The following TBCD variants were observed in gnomAD, a reference collection of about 807,000 sequenced individuals.
The protein encoded by TBCD is tubulin-specific chaperone D.
TBCD carries 105 observed loss-of-function variants against 169.3 expected under a neutral mutation model. The observed-to-expected ratio is 0.62, with a 90% CI of 0.53 to 0.73. The LOEUF (loss-of-function observed/expected upper bound fraction) is 0.73, where lower values mean the gene tolerates loss of function less well. TBCD is among the 30% of genes least tolerant of loss of function. The probability of loss-of-function intolerance (pLI) is 0.00; values close to 1 mark genes in which losing one functional copy is unlikely to be tolerated. For synonymous variants in TBCD, 700 were observed against 643.9 expected, an observed-to-expected ratio of 1.09 and a Z score of -1.32; for missense variants, 1,444 against 1,600.1, an observed-to-expected ratio of 0.90 and a Z score of 1.66.
At chr17:82,803,988 G>A (rs2050763667) in intron 9 of TBCD, among the ~76,000 whole-genome samples, 1 of 143,492 alleles carries the variant, frequency 7.0e-6, no homozygotes, top group Admixed American at 6.9e-5. Context: ...TGCCTGTGGG[G>A]CGTTAGGGGA....
chr17:82,912,167 G>A (rs755795466), intron 23 of TBCD, among the ~76,000 whole-genome samples: 4 of 151,550 alleles, frequency 2.6e-5, no homozygotes, highest in Admixed American at 6.6e-5. Context: ...AGCCCTGGTC[G>A]TGCCCTGTGG....
At chr17:82,819,844 CTGT>C (rs1223606910) in intron 13 of TBCD, among the ~76,000 whole-genome samples, 20 of 152,276 alleles carry the variant, frequency 1.3e-4, no homozygotes, top group Admixed American at 8.5e-4. Flanking sequence ...TTGAACACCT[CTGT>C]TGTTGTGGCA....
chr17:82,923,622 T>C lies in TBCD; in HGVS notation c.2179-30T>C, dbSNP rs545816579. 15 of 1,542,928 alleles carry C rather than the reference T, an allele frequency of 9.7e-6. No homozygotes were observed. In the African/African-American group the frequency reaches 1.6e-4, roughly 17 times the overall value. ...CGGGGGCTTCTCCGAGCAGAGCTGC[T>C]GTGCGCTCACCGTGCTGCCTTTGTT... On this transcript the variant is annotated intron_variant, in intron 25 of 38. Coordinates refer to ENST00000355528, the MANE Select transcript of TBCD (RefSeq NM_005993.5). This position sits in a 1 kb window ranked among gnomAD's most constrained non-coding sequence, Gnocchi z 4.6.
At chr17:82,813,307 C>A (rs2051598021) in intron 12 of TBCD, among the ~76,000 whole-genome samples, 1 of 152,186 alleles carries the variant, frequency 6.6e-6, no homozygotes, top group African/African-American at 2.4e-5. Context: ...CGCTCATCCG[C>A]CCACTCATAG....
At chr17:82,935,699 CTTGAG>C (rs1266720534) in intron 34 of TBCD, among the ~76,000 whole-genome samples, 4 of 152,332 alleles carry the variant, frequency 2.6e-5, no homozygotes, top group Middle Eastern at 6.8e-3. Flanking sequence ...GTGCTTCCGT[CTTGAG>C]TTATGTGCTG....
rs1236311418 is a variant in TBCD at position 82,880,285 on chromosome 17, G to A, written c.1476-3860G>A. 6.6e-6 allele frequency among the ~76,000 whole-genome samples: 1 copy of A among 152,174 alleles called. No individual in the cohort carries two copies. Among genetic ancestry groups the A allele is most frequent in the Non-Finnish European group, 1.5e-5 (1 of 68,036 alleles). On this transcript the variant is annotated intron_variant, in intron 14 of 38. Coordinates refer to ENST00000355528, the MANE Select transcript of TBCD (RefSeq NM_005993.5). This position sits in a 1 kb window ranked among gnomAD's most constrained non-coding sequence, Gnocchi z 5.0. ...TGCCTCTGCCTCCCACAGACAGATG[G>A]AGCACAGGTGTAGCCAGGGCCGCTG...
intron 13 of TBCD, among the ~76,000 whole-genome samples, chr17:82,845,104 C>T (rs2054896551): frequency 6.6e-6 from 1 of 152,170 alleles, no homozygotes; most frequent in South Asian, 2.1e-4. Context: ...CAGGCAGGTG[C>T]TGGCGCCGCG....
intron 4 of TBCD, among the ~76,000 whole-genome samples, chr17:82,767,031 C>T (rs937637521): frequency 2.0e-5 from 3 of 152,208 alleles, no homozygotes; most frequent in African/African-American, 2.4e-5. Flanking sequence ...CAGGTGCCAG[C>T]GTAAAGCACA....
intron 13 of TBCD, among the ~76,000 whole-genome samples, chr17:82,827,990 A>G (rs1195640243): frequency 1.4e-5 from 2 of 145,118 alleles, no homozygotes; most frequent in African/African-American, 2.6e-5. Flanking sequence ...TGCACACCCA[A>G]TCGAACGCAC....
At chr17:82,790,010 A>T (rs2049589406) in intron 7 of TBCD, among the ~76,000 whole-genome samples, 1 of 147,344 alleles carries the variant, frequency 6.8e-6, no homozygotes, top group Non-Finnish European at 1.5e-5. Context: ...CGTGGCTCTG[A>T]CATGTCTCCT....
intron 13 of TBCD, among the ~76,000 whole-genome samples, chr17:82,827,310 C>T (rs2052941862): frequency 1.3e-5 from 2 of 152,190 alleles, no homozygotes; most frequent in Admixed American, 6.5e-5. Context: ...GGAGCAGTTC[C>T]CATCGTAGTG....
At chr17:82,926,571 C>A in intron 28 of TBCD, 80 bp downstream of exon 28, 2 of 1,227,666 alleles carry the variant, frequency 1.6e-6, no homozygotes, top group Non-Finnish European at 2.4e-6. Flanking sequence ...TGTTTTTGCT[C>A]AGAGGCAGGA....
Position 82,920,827 on chromosome 17 carries a change from T to C in TBCD, c.2101+209T>C, listed in dbSNP as rs1006283763. 2.0e-5 allele frequency among the ~76,000 whole-genome samples: 3 copies of C among 152,004 alleles called. No individual in the cohort carries two copies. Among genetic ancestry groups the C allele is most frequent in the Non-Finnish European group, 4.4e-5 (3 of 67,994 alleles). ...TCTCCCCCCAACACAGGAGGGCCCT[T>C]CCCCGCCGTCACCTCAGTACCCCCA... On this transcript the variant is annotated intron_variant, in intron 24 of 38. Transcript: ENST00000355528. This position sits in a 1 kb window ranked among gnomAD's most constrained non-coding sequence, Gnocchi z 4.1.
At chr17:82,766,497 C>T (rs2048024167) in intron 4 of TBCD, 129 bp downstream of exon 4, 7 of 561,766 alleles carry the variant, frequency 1.2e-5, no homozygotes, top group Non-Finnish European at 2.2e-5. Context: ...TGTGTCACTC[C>T]TCTTTTCTTT....
intron 20 of TBCD, among the ~76,000 whole-genome samples, chr17:82,906,810 G>T (rs2060281513): frequency 6.6e-6 from 1 of 152,270 alleles, no homozygotes; most frequent in South Asian, 2.1e-4. Context: ...GATGCAGAGT[G>T]CAGCTCCTTC....
intron 21 of TBCD, 85 bp from the exon 22 acceptor site, chr17:82,909,198 CTT>C (rs1283040110): frequency 1.7e-6 from 2 of 1,164,266 alleles, no homozygotes; most frequent in Non-Finnish European, 2.4e-6. Flanking sequence ...GCCATTTTCT[CTT>C]TGTTCTTGTT....
At chr17:82,754,337 G>T (rs1310776340) in intron 1 of TBCD, among the ~76,000 whole-genome samples, 1 of 152,218 alleles carries the variant, frequency 6.6e-6, no homozygotes, top group Admixed American at 6.5e-5. Context: ...CAGGAGCAGT[G>T]GGCGGGTCCA....
chr17:82,873,545 G>A lies in TBCD; in HGVS notation c.1475+3165G>A, dbSNP rs533567589. The stretch of plus-strand genomic sequence containing the variant: ...CAAATCAAGTCCCCGCTACTGGACG[G>A]GGCTGGCAGCTCAGCTGGGGCCGGA... On this transcript the variant is annotated intron_variant, in intron 14 of 38. Transcript: ENST00000355528. Among the ~76,000 whole-genome samples, 3 of 152,370 alleles carry A rather than the reference G, an allele frequency of 2.0e-5. No individual in the cohort carries two copies. In the East Asian group the frequency reaches 5.8e-4, roughly 29 times the overall value.
chr17:82,940,037 C>T (rs936632206), intron 37 of TBCD, among the ~76,000 whole-genome samples: 3 of 152,170 alleles, frequency 2.0e-5, no homozygotes, highest in East Asian at 1.9e-4. Context: ...AGTAGAATGG[C>T]GGTTTTGAAA....
Sources: gnomAD v4.1 joint callset for allele counts (sites outside exome capture counted in the v4.1 genomes callset) on GRCh38, gnomAD v4.1.1 for gene constraint, Gnocchi (gnomAD v3.1) non-coding constraint, MANE v1.5 for transcripts, NCBI Gene and HGNC (gene_info 2026-07-23, HGNC 2026-07-21) for gene names.